Variants in CALN1 observed in about 807,000 individuals in gnomAD.
CALN1 encodes calneuron 1, also known as calcium-binding protein 8.
CALN1 carries 17 observed loss-of-function variants against 30.6 expected under a neutral mutation model. The ratio of observed to expected loss-of-function variants is 0.56; its 90% confidence interval spans 0.38 to 0.83. CALN1 has a LOEUF of 0.83. CALN1 is among the 40% of genes least tolerant of loss of function. The pLI, the probability that CALN1 is intolerant of heterozygous loss-of-function variation, is 0.00. For missense variants in CALN1, 291 were observed against 354.9 expected, an observed-to-expected ratio of 0.82 and a Z score of 1.45; for synonymous variants, 156 against 131.4, an observed-to-expected ratio of 1.19 and a Z score of -1.28.
At chr7:72,455,950 G>C in the CALN1 span, among the ~76,000 whole-genome samples, 1 of 152,226 alleles carries the variant, frequency 6.6e-6, no homozygotes, top group East Asian at 1.9e-4. Context: ...ACTTTGGGAG[G>C]CCAAGGCGGG....
At chr7:71,845,195 A>C (rs554371930) in intron 5 of CALN1, among the ~76,000 whole-genome samples, 29 of 152,210 alleles carry the variant, frequency 1.9e-4, no homozygotes, top group Admixed American at 1.9e-3. Context: ...AATGTGTCTT[A>C]CTTGTTCAAT....
chr7:72,125,863 G>A (rs930661378), intron 3 of CALN1, among the ~76,000 whole-genome samples: 11 of 142,804 alleles, frequency 7.7e-5, no homozygotes, highest in Admixed American at 2.2e-4. Flanking sequence ...GTGCAGTGGC[G>A]TGATCTCAGC....
intron 3 of CALN1, among the ~76,000 whole-genome samples, chr7:72,260,328 T>C (rs569023842): frequency 6.6e-6 from 1 of 152,206 alleles, no homozygotes; most frequent in Non-Finnish European, 1.5e-5. Context: ...CAAACTCCGT[T>C]TGTTGAACTC....
chr7:72,143,799 G>T (rs1326912826), intron 3 of CALN1, among the ~76,000 whole-genome samples: 1 of 152,218 alleles, frequency 6.6e-6, no homozygotes, highest in Non-Finnish European at 1.5e-5. Flanking sequence ...CTACAAGCCA[G>T]AAGAGAGTGG....
intron 3 of CALN1, among the ~76,000 whole-genome samples, chr7:72,233,192 G>GGAA (rs1794230200): frequency 7.2e-6 from 1 of 139,610 alleles, no homozygotes; most frequent in East Asian, 2.1e-4. Flanking sequence ...TCTGTAAAAA[G>GGAA]GAAAAAAAAA....
At chr7:72,122,544 C>G (rs1808469199) in intron 3 of CALN1, among the ~76,000 whole-genome samples, 1 of 152,074 alleles carries the variant, frequency 6.6e-6, no homozygotes, top group Admixed American at 6.6e-5. Context: ...CGAGACTAAC[C>G]TGGGCAACTA....
intron 3 of CALN1, among the ~76,000 whole-genome samples, chr7:72,183,983 A>T (rs746032732): frequency 6.6e-6 from 1 of 152,046 alleles, no homozygotes; most frequent in Admixed American, 6.6e-5. Flanking sequence ...AATTGACCTT[A>T]TGACGACAGT....
the CALN1 span, among the ~76,000 whole-genome samples, chr7:72,486,407 T>C: frequency 6.6e-6 from 1 of 152,182 alleles, no homozygotes; most frequent in East Asian, 1.9e-4. Context: ...AGCCTTGTTC[T>C]GTCGCCCAGG....
At chr7:71,825,179 A>T (rs977440364) in intron 5 of CALN1, among the ~76,000 whole-genome samples, 3 of 152,172 alleles carry the variant, frequency 2.0e-5, no homozygotes, top group African/African-American at 7.2e-5. Context: ...GGAGACACCA[A>T]TGTAACCAGA....
At chr7:72,061,924 A>G (rs1803683702) in intron 4 of CALN1, among the ~76,000 whole-genome samples, 1 of 152,158 alleles carries the variant, frequency 6.6e-6, no homozygotes, top group South Asian at 2.1e-4. Flanking sequence ...GAATAAAGAC[A>G]AAGAAAAACA....
chr7:71,791,071 C>T (rs1184344903), intron 6 of CALN1, among the ~76,000 whole-genome samples: 1 of 152,084 alleles, frequency 6.6e-6, no homozygotes, highest in Non-Finnish European at 1.5e-5. Flanking sequence ...GGTATTAATA[C>T]CAGGTAAGAA....
intron 3 of CALN1, among the ~76,000 whole-genome samples, chr7:72,247,064 G>T (rs1795218034): frequency 6.7e-6 from 1 of 150,000 alleles, no homozygotes; most frequent in Non-Finnish European, 1.5e-5. Context: ...AGCCCTACCA[G>T]AACAATTTTT....
chr7:71,818,623 A>G (rs1788400981), intron 5 of CALN1, among the ~76,000 whole-genome samples: 1 of 151,494 alleles, frequency 6.6e-6, no homozygotes, highest in Non-Finnish European at 1.5e-5. Context: ...TACTGCCTCA[A>G]CTTCCCAAAA....
intron 5 of CALN1, among the ~76,000 whole-genome samples, chr7:71,860,547 T>C (rs771168209): frequency 3.3e-5 from 5 of 152,196 alleles, no homozygotes; most frequent in African/African-American, 4.8e-5. Flanking sequence ...CTTTACTCTA[T>C]GGACTTGCCC....
chr7:72,099,273 C>CTT lies in CALN1; in HGVS notation c.388+6876_388+6877dup, dbSNP rs386359911. 3.6e-3 allele frequency among the ~76,000 whole-genome samples: 449 copies of CTT among 125,302 alleles called. 7 individuals carry two copies. The highest frequency in any genetic ancestry group is 0.013 in the African/African-American group (431 of 32,448). The allele number at this position is 125,302 out of a possible 152,430, so 82.2% of individuals were successfully genotyped here. Reference sequence around the variant, plus strand: ...ATCCTAAGCTTTGCCCCAAACACTCCTTTTTTTTTTTTTTTTTTTTGGCAT... The same window carrying CTT: ...ATCCTAAGCTTTGCCCCAAACACTCCTTTTTTTTTTTTTTTTTTTTTTGGCAT... On this transcript the variant is annotated intron_variant, in intron 4 of 6. Coordinates refer to ENST00000395275, the MANE Select transcript of CALN1 (RefSeq NM_031468.4).
At chr7:72,388,689 G>A (rs1264370234) in intron 2 of CALN1, among the ~76,000 whole-genome samples, 1 of 152,072 alleles carries the variant, frequency 6.6e-6, no homozygotes, top group Non-Finnish European at 1.5e-5. Flanking sequence ...CTAAAAGATG[G>A]CCTAAAAATG....
chr7:72,066,104 T>C (rs1804003833), intron 4 of CALN1, among the ~76,000 whole-genome samples: 3 of 152,222 alleles, frequency 2.0e-5, no homozygotes, highest in African/African-American at 4.8e-5. Flanking sequence ...TTTTCTTCTC[T>C]TGTTTTTGTA....
At chr7:72,295,394 G>C (rs1479904501) in intron 2 of CALN1, among the ~76,000 whole-genome samples, 1 of 152,008 alleles carries the variant, frequency 6.6e-6, no homozygotes, top group East Asian at 1.9e-4. Flanking sequence ...TTCCAATTCT[G>C]TGAAGAAAGG....
chr7:72,011,040 C>A (rs1800048751), intron 5 of CALN1, among the ~76,000 whole-genome samples: 1 of 151,476 alleles, frequency 6.6e-6, no homozygotes, highest in Admixed American at 6.6e-5. Flanking sequence ...GTAGTCCCAG[C>A]TACTTGGGAG....
Sources: gnomAD v4.1 joint callset for allele counts (sites outside exome capture counted in the v4.1 genomes callset) on GRCh38, gnomAD v4.1.1 for gene constraint, MANE v1.5 for transcripts, NCBI Gene and HGNC (gene_info 2026-07-23, HGNC 2026-07-21) for gene names.